The following RBFOX1 variants were observed in gnomAD, a reference collection of about 807,000 sequenced individuals.
The protein encoded by RBFOX1 is RNA binding protein fox-1 homolog 1.
A neutral mutation model predicts 57.7 loss-of-function variants in RBFOX1; 8 were observed. The observed-to-expected ratio is 0.14, with a 90% CI of 0.08 to 0.25. RBFOX1 has a LOEUF of 0.25. RBFOX1 is among the 10% of genes least tolerant of loss of function. RBFOX1 has a pLI of 1.00. For synonymous variants in RBFOX1, 326 were observed against 222.4 expected, an observed-to-expected ratio of 1.47 and a Z score of -4.15; for missense variants, 611 against 548.5, an observed-to-expected ratio of 1.11 and a Z score of -1.14.
intron 4 of RBFOX1, among the ~76,000 whole-genome samples, chr16:7,481,297 G>T (rs576525243): frequency 6.6e-6 from 1 of 152,142 alleles, no homozygotes; most frequent in Non-Finnish European, 1.5e-5. Context: ...AATAGAAATC[G>T]CATTATCTAT....
At chr16:5,534,297 A>C (rs551763197) in intron 2 of RBFOX1, among the ~76,000 whole-genome samples, 2 of 152,172 alleles carry the variant, frequency 1.3e-5, no homozygotes, top group Admixed American at 1.3e-4. Context: ...ATATGTATAC[A>C]TGAAAGGGAG....
chr16:5,774,273 C>T (rs1000436081), intron 3 of RBFOX1, among the ~76,000 whole-genome samples: 6 of 152,146 alleles, frequency 3.9e-5, no homozygotes, highest in African/African-American at 1.4e-4. Context: ...ACCCACAGAC[C>T]AACATTCCTT....
At chr16:7,021,912 CT>C (rs1568407103) in intron 3 of RBFOX1, among the ~76,000 whole-genome samples, 1 of 148,696 alleles carries the variant, frequency 6.7e-6, no homozygotes, top group African/African-American at 2.5e-5. Context: ...TTCTTTCTTT[CT>C]TTTCTTTCTT....
chr16:7,116,762 G>C (rs935932988), intron 4 of RBFOX1, among the ~76,000 whole-genome samples: 8 of 152,128 alleles, frequency 5.3e-5, no homozygotes, highest in Non-Finnish European at 8.8e-5. Flanking sequence ...TTGGATGACA[G>C]GTATTGACCA....
chr16:7,539,699 G>C (rs1403924754), intron 5 of RBFOX1, among the ~76,000 whole-genome samples: 1 of 152,170 alleles, frequency 6.6e-6, no homozygotes, highest in East Asian at 1.9e-4. Context: ...GGACCAGGCA[G>C]AGTAGTCTAT....
intron 2 of RBFOX1, among the ~76,000 whole-genome samples, chr16:6,641,852 C>G (rs1279236798): frequency 6.0e-5 from 9 of 149,922 alleles, no homozygotes; most frequent in East Asian, 2.0e-4. Flanking sequence ...AACGTGTTTC[C>G]TTCTTTGGAG....
At chr16:5,753,143 G>A (rs2053271305) in intron 3 of RBFOX1, among the ~76,000 whole-genome samples, 1 of 151,466 alleles carries the variant, frequency 6.6e-6, no homozygotes, top group Admixed American at 6.6e-5. Flanking sequence ...ATGGGCAGCA[G>A]AACAAAACCT....
At chr16:7,208,065 A>G (rs867177147) in intron 4 of RBFOX1, among the ~76,000 whole-genome samples, 6 of 152,186 alleles carry the variant, frequency 3.9e-5, no homozygotes, top group African/African-American at 1.2e-4. Context: ...GGCAACATCA[A>G]TCCTGCAACA....
intron 4 of RBFOX1, among the ~76,000 whole-genome samples, chr16:5,889,939 A>G (rs1312963996): frequency 2.6e-5 from 4 of 152,240 alleles, no homozygotes; most frequent in South Asian, 4.1e-4. Context: ...AGACTGGGCA[A>G]ACAGCCTCTG....
chr16:6,674,519 G>C (rs1049043208), intron 3 of RBFOX1, among the ~76,000 whole-genome samples: 15 of 151,954 alleles, frequency 9.9e-5, no homozygotes, highest in African/African-American at 3.4e-4. Context: ...ACGGGGTTTC[G>C]TCATGTTGAT....
At chr16:5,358,088 A>G (rs574077654) in intron 1 of RBFOX1, among the ~76,000 whole-genome samples, 4 of 152,016 alleles carry the variant, frequency 2.6e-5, no homozygotes, top group African/African-American at 9.7e-5. Context: ...TATGGCTTCC[A>G]CTGGAGGGCT....
chr16:6,855,805 T>TCTTC (rs2057754813), intron 3 of RBFOX1, among the ~76,000 whole-genome samples: 1 of 130,196 alleles, frequency 7.7e-6, no homozygotes, highest in African/African-American at 3.4e-5. Flanking sequence ...TAAATTTCCT[T>TCTTC]CTTCCCTTCC....
intron 1 of RBFOX1, among the ~76,000 whole-genome samples, chr16:5,353,175 A>G (rs2065302115): frequency 6.6e-6 from 1 of 152,224 alleles, no homozygotes; most frequent in African/African-American, 2.4e-5. Flanking sequence ...GGAGTTCAAG[A>G]TCAGCCTGGC....
chr16:6,121,932 C>T (rs942937547), intron 1 of RBFOX1, among the ~76,000 whole-genome samples: 1 of 152,136 alleles, frequency 6.6e-6, no homozygotes, highest in South Asian at 2.1e-4. Context: ...GACAGAGTCT[C>T]ATTCACTGTC....
chr16:7,302,111 C>A (rs991032230), intron 4 of RBFOX1, among the ~76,000 whole-genome samples: 1 of 152,164 alleles, frequency 6.6e-6, no homozygotes, highest in Admixed American at 6.5e-5. Context: ...CCTGGATGAA[C>A]TTCTGCCTAG....
intron 3 of RBFOX1, among the ~76,000 whole-genome samples, chr16:5,746,682 T>C (rs1196241935): frequency 6.6e-6 from 1 of 152,198 alleles, no homozygotes; most frequent in Non-Finnish European, 1.5e-5. Flanking sequence ...TTCCTAGATA[T>C]TTTATTCTCT....
intron 4 of RBFOX1, among the ~76,000 whole-genome samples, chr16:7,219,476 A>T (rs943438699): frequency 6.6e-6 from 1 of 152,232 alleles, no homozygotes; most frequent in African/African-American, 2.4e-5. Context: ...TCATTTATAA[A>T]TGCATCTTTC....
intron 3 of RBFOX1, among the ~76,000 whole-genome samples, chr16:6,979,253 T>G (rs547859459): frequency 1.3e-5 from 2 of 152,246 alleles, no homozygotes; most frequent in African/African-American, 4.8e-5. Flanking sequence ...AAAATACAGT[T>G]AAATAGTAAA....
chr16:5,549,322 T>C (rs2045362662), intron 2 of RBFOX1, among the ~76,000 whole-genome samples: 1 of 152,218 alleles, frequency 6.6e-6, no homozygotes, highest in African/African-American at 2.4e-5. Flanking sequence ...AACTTTGCTT[T>C]CTCTCCTGGG....
Sources: allele counts gnomAD v4.1 joint callset (sites outside exome capture counted in the v4.1 genomes callset), GRCh38; gene constraint gnomAD v4.1.1; transcripts MANE v1.5; gene names NCBI Gene and HGNC (gene_info 2026-07-23, HGNC 2026-07-21).